The following ECPAS variants were observed in gnomAD, a reference collection of about 807,000 sequenced individuals.
ECPAS encodes Ecm29 proteasome adaptor and scaffold, also known as proteasome adapter and scaffold protein ECM29.
Under a neutral mutation model 255.1 loss-of-function variants are expected in ECPAS, and 70 were observed. That is an observed-to-expected ratio of 0.27 (90% CI 0.23 to 0.33). The LOEUF (loss-of-function observed/expected upper bound fraction) is 0.33, where lower values mean the gene tolerates loss of function less well. Ranked by LOEUF, ECPAS falls within the 10% of genes least tolerant of loss-of-function variation. The pLI, the probability that ECPAS is intolerant of heterozygous loss-of-function variation, is 1.00. For synonymous variants in ECPAS, 784 were observed against 775.0 expected (o/e 1.01, Z -0.19); for missense variants, 1,817 against 2,206.4 (o/e 0.82, Z 3.54).
At chr9:111,448,002 T>C (rs1210570816) in intron 3 of ECPAS, among the ~76,000 whole-genome samples, 2 of 151,930 alleles carry the variant, frequency 1.3e-5, no homozygotes, top group Non-Finnish European at 2.9e-5. Context: ...AGGTTAATAA[T>C]CATGTATATT....
Position 111,433,321 on chromosome 9 carries a change from C to G in ECPAS, c.760G>C (p.Glu254Gln), listed in dbSNP as rs200414603. Residue 254 changes from glutamate to glutamine, a missense_variant, in exon 8 of 50, where the codon GAA (glutamate) becomes CAA (glutamine). By Grantham distance (29) the Glu-to-Gln change is conservative. Around this residue, in one of 4 missense-constraint regions of ECPAS, gnomAD observed 573 missense variants for 716.2 expected, o/e 0.80. Coordinates refer to ENST00000684092, the MANE Select transcript of ECPAS (RefSeq NM_001364929.1). Reference sequence around the variant, plus strand: ...GCAATCACCAAGTGGAGAACAGCTTCAAGTTCAGGCACCTGTTCAGCTTCT... The same window carrying G: ...GCAATCACCAAGTGGAGAACAGCTTGAAGTTCAGGCACCTGTTCAGCTTCT... ...FIEAEQVPEL[E>Q]AVLHLVIASS... The G allele has an allele frequency of 6.2e-7, 1 of 1,614,008 alleles. No individual in the cohort carries two copies. Among genetic ancestry groups the G allele is most frequent in the Non-Finnish European group, 8.5e-7 (1 of 1,179,864 alleles).
chr9:111,435,729 G>T (rs2098237110), intron 7 of ECPAS, among the ~76,000 whole-genome samples: 1 of 150,490 alleles, frequency 6.6e-6, no homozygotes, highest in Non-Finnish European at 1.5e-5. Context: ...GCCCAGGCTG[G>T]AGTGCAGTGG....
chr9:111,460,594 G>A (rs7873779), intron 2 of ECPAS, among the ~76,000 whole-genome samples: 1 of 151,986 alleles, frequency 6.6e-6, no homozygotes, highest in Non-Finnish European at 1.5e-5. Flanking sequence ...ACAATCTATG[G>A]AAAAATTAAT....
At chr9:111,476,668 G>A (rs1229445337) in intron 1 of ECPAS, among the ~76,000 whole-genome samples, 1 of 136,136 alleles carries the variant, frequency 7.3e-6, no homozygotes, top group Non-Finnish European at 1.5e-5. Context: ...CACAACCTCC[G>A]CCTCCCGGGT....
chr9:111,460,771 C>T (rs1564561186), intron 2 of ECPAS, among the ~76,000 whole-genome samples: 1 of 152,136 alleles, frequency 6.6e-6, no homozygotes, highest in African/African-American at 2.4e-5. Flanking sequence ...CTAAAATACA[C>T]CGCTACAAGA....
At chr9:111,383,077 A>C (rs2098142673) in intron 35 of ECPAS, 134 bp downstream of exon 35, 1 of 1,045,326 alleles carries the variant, frequency 9.6e-7, no homozygotes, top group Non-Finnish European at 1.4e-6. Flanking sequence ...GTGACTCACA[A>C]GTTTTCACAA....
intron 36 of ECPAS, 148 bp downstream of exon 36, chr9:111,378,432 C>G (rs1282222792): frequency 4.2e-6 from 3 of 718,584 alleles, no homozygotes; most frequent in Non-Finnish European, 6.5e-6. Flanking sequence ...CTGACAACCT[C>G]TCTCCAAAAA....
chr9:111,407,516 A>G (rs2098186946), intron 24 of ECPAS, among the ~76,000 whole-genome samples: 1 of 151,358 alleles, frequency 6.6e-6, no homozygotes, highest in Non-Finnish European at 1.5e-5. Context: ...TTTCTCTCCA[A>G]GTGGTTACAA....
intron 15 of ECPAS, 37 bp downstream of exon 15, chr9:111,421,884 G>A (rs767773524): frequency 1.1e-5 from 18 of 1,600,542 alleles, no homozygotes; most frequent in East Asian, 4.5e-5. Context: ...AATGTAAACC[G>A]TATACTACCC....
At chr9:111,443,068 A>G (rs2131909979) in intron 4 of ECPAS, among the ~76,000 whole-genome samples, 1 of 152,332 alleles carries the variant, frequency 6.6e-6, no homozygotes, top group Non-Finnish European at 1.5e-5. Context: ...TGGATTTGGG[A>G]TGCTAAATCA....
rs1271171482 is a variant in ECPAS at position 111,366,219 on chromosome 9, T to G, written c.5308+20A>C. On this transcript the variant is annotated intron_variant, in intron 48 of 49. Transcript: ENST00000684092. ...TTTAAAATTAGGACTCCCTCATCAGTTTTAGTTTACTACACTCACCTAAAG... is the reference window on the plus strand; with the variant it reads ...TTTAAAATTAGGACTCCCTCATCAGGTTTAGTTTACTACACTCACCTAAAG... 6 of 1,480,066 alleles carry G rather than the reference T, an allele frequency of 4.1e-6. No individual in the cohort carries two copies. The highest frequency in any genetic ancestry group is 5.5e-6 in the Non-Finnish European group (6 of 1,081,400). 91.7% of individuals were successfully genotyped at this position (1,480,066 alleles called of 1,614,324 possible).
At chr9:111,433,157 T>TA in intron 8 of ECPAS, 76 bp downstream of exon 8, 1 of 1,522,944 alleles carries the variant, frequency 6.6e-7, no homozygotes, top group Non-Finnish European at 9.0e-7. Flanking sequence ...AAAAAATCCT[T>TA]AAACAAAAAA....
Position 111,361,083 on chromosome 9 carries a change from G to C in ECPAS, c.*947C>G, listed in dbSNP as rs1172547308. 2 of 152,152 alleles carry C rather than the reference G, an allele frequency of 1.3e-5. No individual in the cohort carries two copies. The highest frequency in any genetic ancestry group is 2.9e-5 in the Non-Finnish European group (2 of 68,020). The allele number at this position is 152,152 out of a possible 1,614,324, so 9.4% of individuals were successfully genotyped here. On this transcript the variant is annotated 3_prime_UTR_variant, in exon 50 of 50. Coordinates refer to ENST00000684092, the MANE Select transcript of ECPAS (RefSeq NM_001364929.1). ...TAATTCCCAGGTGGCTAATTAAAAGGCTTTCCTTCTCCCCTATAAAGTCAT... is the reference window on the plus strand; with the variant it reads ...TAATTCCCAGGTGGCTAATTAAAAGCCTTTCCTTCTCCCCTATAAAGTCAT...
chr9:111,448,592 G>A (rs1268592782), intron 3 of ECPAS, among the ~76,000 whole-genome samples: 1 of 152,202 alleles, frequency 6.6e-6, no homozygotes, highest in African/African-American at 2.4e-5. Context: ...TGGAAGACAG[G>A]TTCAAGACAT....
chr9:111,461,129 G>A (rs2098272592), intron 2 of ECPAS, among the ~76,000 whole-genome samples: 1 of 152,092 alleles, frequency 6.6e-6, no homozygotes, highest in African/African-American at 2.4e-5. Flanking sequence ...ATCTTGAAGA[G>A]GAAAAACAGC....
chr9:111,421,807 C>G (rs1475940092), intron 15 of ECPAS, 114 bp downstream of exon 15: 5 of 1,238,122 alleles, frequency 4.0e-6, no homozygotes, highest in East Asian at 2.5e-5. Context: ...TCCTAAATCA[C>G]AGCCCAAGTG....
chr9:111,447,778 T>C (rs1230346616), intron 3 of ECPAS, among the ~76,000 whole-genome samples: 1 of 151,970 alleles, frequency 6.6e-6, no homozygotes, highest in African/African-American at 2.4e-5. Flanking sequence ...AATGATTACA[T>C]TTATCCTTAT....
chr9:111,483,547 G>A (rs2098310182), intron 1 of ECPAS: 3 of 970,412 alleles, frequency 3.1e-6, no homozygotes, highest in Admixed American at 1.3e-4. Flanking sequence ...CAGCCATGTT[G>A]CGCCGGGGAG....
At chr9:111,438,157 G>A (rs2098240746) in intron 6 of ECPAS, among the ~76,000 whole-genome samples, 1 of 152,166 alleles carries the variant, frequency 6.6e-6, no homozygotes, top group Admixed American at 6.5e-5. Flanking sequence ...GTTACATCAT[G>A]TTCCTAAGGT....
Sources: allele counts gnomAD v4.1 joint callset (sites outside exome capture counted in the v4.1 genomes callset), GRCh38; gene constraint gnomAD v4.1.1; regional missense constraint gnomAD v4.1.1; transcripts MANE v1.5; gene names NCBI Gene and HGNC (gene_info 2026-07-23, HGNC 2026-07-21).